The following MGAT4C variants were observed in gnomAD, a reference collection of about 807,000 sequenced individuals.
MGAT4C encodes the protein alpha-1,3-mannosyl-glycoprotein 4-beta-N-acetylglucosaminyltransferase C.
MGAT4C carries 19 observed loss-of-function variants against 40.1 expected under a neutral mutation model. The ratio of observed to expected loss-of-function variants is 0.47; its 90% CI spans 0.33 to 0.70. The LOEUF (loss-of-function observed/expected upper bound fraction) is 0.70. Ranked by LOEUF, MGAT4C falls within the 30% of genes least tolerant of loss-of-function variation. MGAT4C has a pLI of 0.02. For missense variants in MGAT4C, 491 were observed against 563.2 expected (o/e 0.87, Z 1.30); for synonymous variants, 181 against 187.1 (o/e 0.97, Z 0.27).
intron 4 of MGAT4C, among the ~76,000 whole-genome samples, chr12:86,277,167 C>G (rs1267498524): frequency 6.6e-6 from 1 of 151,994 alleles, no homozygotes; most frequent in African/African-American, 2.4e-5. Flanking sequence ...TTTCATTTGC[C>G]TTTCTCAATG....
At chr12:86,013,818 A>G (rs1888777909) in intron 2 of MGAT4C, 1 of 860,600 alleles carries the variant, frequency 1.2e-6, no homozygotes, top group African/African-American at 1.8e-5. Context: ...TACTCCCATA[A>G]ATATTATCAT....
chr12:86,666,099 C>A (rs1192008896), intron 2 of MGAT4C, among the ~76,000 whole-genome samples: 4 of 152,130 alleles, frequency 2.6e-5, no homozygotes, highest in Non-Finnish European at 4.4e-5. Flanking sequence ...TTAAAACAAG[C>A]TTGATGCAAT....
chr12:86,433,676 A>AATGC (rs1326360295), intron 3 of MGAT4C, among the ~76,000 whole-genome samples: 8 of 152,088 alleles, frequency 5.3e-5, no homozygotes, highest in African/African-American at 1.9e-4. Context: ...GGTTGAATTG[A>AATGC]ATGCATGCAT....
At position 86,132,664 on chromosome 12, in the gene MGAT4C, T is replaced by C. The variant is rs560191692; in HGVS notation, c.-56-82941A>G. Among the ~76,000 whole-genome samples the C allele has an allele frequency of 7.9e-5, 12 of 152,058 alleles. No homozygotes were observed. In the East Asian group the frequency reaches 2.1e-3, roughly 27 times the overall value. On this transcript the variant is annotated intron_variant, in intron 1 of 4. Transcript: ENST00000611864. ...AAAATTAGCTGGGCATGGTGGCGGATGCCTGTAGTCCCAGCTACTCGGGAG... is the reference window on the plus strand; with the variant it reads ...AAAATTAGCTGGGCATGGTGGCGGACGCCTGTAGTCCCAGCTACTCGGGAG...
chr12:86,308,550 T>A (rs1322401985), intron 4 of MGAT4C, among the ~76,000 whole-genome samples: 1 of 150,558 alleles, frequency 6.6e-6, no homozygotes, highest in African/African-American at 2.5e-5. Flanking sequence ...TATTTGATTG[T>A]TTGTTGTTTC....
intron 1 of MGAT4C, among the ~76,000 whole-genome samples, chr12:86,086,799 T>A (rs557366640): frequency 6.6e-6 from 1 of 152,202 alleles, no homozygotes; most frequent in South Asian, 2.1e-4. Flanking sequence ...TATTCATTTG[T>A]CATACCCTCT....
At chr12:86,216,821 T>C (rs945587823) in intron 1 of MGAT4C, among the ~76,000 whole-genome samples, 1 of 152,216 alleles carries the variant, frequency 6.6e-6, no homozygotes, top group African/African-American at 2.4e-5. Flanking sequence ...GCATTAAATA[T>C]ATTGCAGACA....
chr12:86,491,093 AG>A (rs935279271), intron 2 of MGAT4C, among the ~76,000 whole-genome samples: 2 of 152,160 alleles, frequency 1.3e-5, no homozygotes, highest in Non-Finnish European at 2.9e-5. Context: ...TCTCTAAACC[AG>A]GAAGAAGTTG....
chr12:86,812,561 A>G (rs1952498782), intron 1 of MGAT4C, among the ~76,000 whole-genome samples: 1 of 152,016 alleles, frequency 6.6e-6, no homozygotes, highest in Non-Finnish European at 1.5e-5. Flanking sequence ...TTCTGTCTCT[A>G]ATAGTTTTCT....
chr12:86,059,020 T>G (rs1893672770), intron 1 of MGAT4C, among the ~76,000 whole-genome samples: 1 of 152,154 alleles, frequency 6.6e-6, no homozygotes, highest in Non-Finnish European at 1.5e-5. Flanking sequence ...CCCTGAAAGA[T>G]CTAACATGTT....
intron 3 of MGAT4C, among the ~76,000 whole-genome samples, chr12:86,422,290 A>G (rs1324051883): frequency 6.6e-6 from 1 of 152,246 alleles, no homozygotes; most frequent in African/African-American, 2.4e-5. Context: ...GTCAGCAGAT[A>G]TATAGCCGCT....
chr12:86,566,799 T>C (rs1203198989), intron 2 of MGAT4C, among the ~76,000 whole-genome samples: 1 of 150,098 alleles, frequency 6.7e-6, no homozygotes, highest in Non-Finnish European at 1.5e-5. Flanking sequence ...TCTGGCCCTC[T>C]AGAGAACCCT....
chr12:86,012,808 C>A (rs1230253537), intron 2 of MGAT4C, among the ~76,000 whole-genome samples: 10 of 151,370 alleles, frequency 6.6e-5, no homozygotes, highest in East Asian at 2.0e-4. Context: ...CCACCACCAC[C>A]ACCACCACCA....
intron 2 of MGAT4C, among the ~76,000 whole-genome samples, chr12:86,006,763 A>C (rs1212488438): frequency 6.6e-6 from 1 of 152,194 alleles, no homozygotes; most frequent in African/African-American, 2.4e-5. Context: ...TGCCTTAAGC[A>C]AGAAACTTAC....
chr12:86,596,928 T>C (rs970100361), intron 2 of MGAT4C, among the ~76,000 whole-genome samples: 3 of 152,194 alleles, frequency 2.0e-5, no homozygotes, highest in African/African-American at 4.8e-5. Flanking sequence ...CATAACAGCA[T>C]GGAAAGTCAT....
intron 1 of MGAT4C, among the ~76,000 whole-genome samples, chr12:86,121,318 C>G (rs1187459747): frequency 1.3e-5 from 2 of 152,140 alleles, no homozygotes; most frequent in Non-Finnish European, 2.9e-5. Flanking sequence ...TTGGAAAACA[C>G]TCTTCAGGAT....
Position 85,966,539 on chromosome 12 carries a change from C to T in MGAT4C, c.*12750G>A, listed in dbSNP as rs956856663. 6.6e-6 allele frequency: 1 copy of T among 152,040 alleles called. No individual in the cohort carries two copies. Among genetic ancestry groups the T allele is most frequent in the African/African-American group, 2.4e-5 (1 of 41,384 alleles). The allele number at this position is 152,040 out of a possible 1,614,324, so 9.4% of individuals were successfully genotyped here. On this transcript the variant is annotated 3_prime_UTR_variant, in exon 5 of 5. Transcript: ENST00000611864. ...AGAAATACCATTTGACCCAGCCATC[C>T]CATTACTGGGTATATACCCAAAGGA...
At chr12:86,828,266 G>A (rs186139379) in intron 1 of MGAT4C, among the ~76,000 whole-genome samples, 257 of 150,368 alleles carry the variant, frequency 1.7e-3, no homozygotes, top group African/African-American at 6.0e-3. Context: ...AGGAAACAAG[G>A]AAAATAATAA....
chr12:86,305,101 A>C (rs1388859687), intron 4 of MGAT4C, among the ~76,000 whole-genome samples: 1 of 150,690 alleles, frequency 6.6e-6, no homozygotes, highest in African/African-American at 2.5e-5. Flanking sequence ...TTGGTTTAAA[A>C]CTGAATATAA....
Sources: allele counts gnomAD v4.1 joint callset (sites outside exome capture counted in the v4.1 genomes callset), GRCh38; gene constraint gnomAD v4.1.1; transcripts MANE v1.5; gene names NCBI Gene and HGNC (gene_info 2026-07-23, HGNC 2026-07-21).